Variants in CADPS observed in about 807,000 individuals in gnomAD.
The protein encoded by CADPS is calcium-dependent secretion activator 1.
A neutral mutation model predicts 167.3 loss-of-function variants in CADPS; 57 were observed. The ratio of observed to expected loss-of-function variants is 0.34; its 90% CI spans 0.28 to 0.42. The LOEUF (loss-of-function observed/expected upper bound fraction) is 0.42, where lower values mean the gene tolerates loss of function less well. CADPS is among the 20% of genes least tolerant of loss of function. The probability of loss-of-function intolerance (pLI) is 1.00; values close to 1 mark genes in which losing one functional copy is unlikely to be tolerated. For synonymous variants in CADPS, 676 were observed against 635.3 expected, an observed-to-expected ratio of 1.06 and a Z score of -0.96; for missense variants, 1,414 against 1,738.1, an observed-to-expected ratio of 0.81 and a Z score of 3.32.
At chr3:62,618,076 G>C (rs1375120836) in intron 6 of CADPS, among the ~76,000 whole-genome samples, 1 of 152,062 alleles carries the variant, frequency 6.6e-6, no homozygotes, top group African/African-American at 2.4e-5. Context: ...TGACTCAAAT[G>C]ACTCAATAAG....
intron 1 of CADPS, among the ~76,000 whole-genome samples, chr3:62,842,166 T>C (rs2076735039): frequency 6.6e-6 from 1 of 152,192 alleles, no homozygotes; most frequent in African/African-American, 2.4e-5. Flanking sequence ...CATGTATCCA[T>C]TTGGCAAGAA....
At chr3:62,600,861 G>T (rs1369760759) in intron 6 of CADPS, among the ~76,000 whole-genome samples, 1 of 152,204 alleles carries the variant, frequency 6.6e-6, no homozygotes, top group Non-Finnish European at 1.5e-5. Context: ...GTCTGCACCT[G>T]TAGTCCCAGC....
chr3:62,527,327 G>A (rs1286426244), intron 13 of CADPS, among the ~76,000 whole-genome samples: 1 of 152,150 alleles, frequency 6.6e-6, no homozygotes, highest in Non-Finnish European at 1.5e-5. Flanking sequence ...AGGCTCTCCT[G>A]TGTATTATAG....
At chr3:62,644,674 C>T (rs1211771010) in intron 6 of CADPS, among the ~76,000 whole-genome samples, 1 of 152,142 alleles carries the variant, frequency 6.6e-6, no homozygotes, top group East Asian at 1.9e-4. Context: ...TTGCCCAGGG[C>T]CTTTGCTAAC....
intron 21 of CADPS, among the ~76,000 whole-genome samples, chr3:62,488,176 G>A (rs969614914): frequency 5.3e-5 from 8 of 152,156 alleles, no homozygotes; most frequent in African/African-American, 1.4e-4. Flanking sequence ...TTGATGAGAA[G>A]TATGCCAAAA....
At chr3:62,778,528 G>C (rs2090876154) in intron 1 of CADPS, among the ~76,000 whole-genome samples, 1 of 152,002 alleles carries the variant, frequency 6.6e-6, no homozygotes, top group Non-Finnish European at 1.5e-5. Flanking sequence ...TACCTCTTTA[G>C]TCTGAACTCC....
chr3:62,821,798 A>G (rs1368174382), intron 1 of CADPS, among the ~76,000 whole-genome samples: 1 of 152,200 alleles, frequency 6.6e-6, no homozygotes. Flanking sequence ...GCTGGACACA[A>G]TTCAACCCAT....
Position 62,645,516 on chromosome 3 carries a change from T to C in CADPS, c.1325+206A>G, listed in dbSNP as rs919430491. 2.6e-5 allele frequency among the ~76,000 whole-genome samples: 4 copies of C among 152,254 alleles called. 1 individual carries two copies. Among genetic ancestry groups the C allele is most frequent in the Admixed American group, 2.6e-4 (4 of 15,290 alleles). ...AGAAAGGACACTGTTTCTTTAATTT[T>C]CTTCAGTTCTCTGCTTTGAAGGAAC... On this transcript the variant is annotated intron_variant, in intron 6 of 29. Transcript: ENST00000383710.
chr3:62,682,306 C>G (rs1217749308), intron 3 of CADPS, among the ~76,000 whole-genome samples: 2 of 151,944 alleles, frequency 1.3e-5, no homozygotes, highest in Admixed American at 6.6e-5. Flanking sequence ...AATCTACACC[C>G]CTAGGAAGCA....
chr3:62,766,045 C>T, intron 1 of CADPS, 61 bp from the exon 2 acceptor site: 2 of 1,241,602 alleles, frequency 1.6e-6, no homozygotes, highest in South Asian at 2.5e-5. Context: ...ATCATGGATA[C>T]TTTATGCTGA....
At chr3:62,755,427 G>A (rs969689089) in intron 2 of CADPS, among the ~76,000 whole-genome samples, 4 of 152,202 alleles carry the variant, frequency 2.6e-5, no homozygotes, top group African/African-American at 9.6e-5. Context: ...CATCTGACAC[G>A]TTTGAGCTGC....
At chr3:62,477,970 G>T (rs984944043) in intron 23 of CADPS, 4 of 342,686 alleles carry the variant, frequency 1.2e-5, no homozygotes, top group Middle Eastern at 8.3e-4. Flanking sequence ...TTTTGTGCCA[G>T]ACACTGCTAG....
intron 18 of CADPS, 40 bp downstream of exon 18, chr3:62,499,122 T>TA (rs1561289379): frequency 6.2e-6 from 8 of 1,294,838 alleles, no homozygotes; most frequent in Non-Finnish European, 9.0e-6. Context: ...CAAGCTCAGC[T>TA]AAGGGACAGT....
intron 3 of CADPS, among the ~76,000 whole-genome samples, chr3:62,703,481 G>A (rs189911621): frequency 1.2e-4 from 19 of 152,262 alleles, no homozygotes; most frequent in Admixed American, 9.8e-4. Context: ...TTCTGGGAAC[G>A]TCTGTCTACA....
At chr3:62,791,244 CT>C in intron 1 of CADPS, among the ~76,000 whole-genome samples, 1 of 152,188 alleles carries the variant, frequency 6.6e-6, no homozygotes, top group East Asian at 1.9e-4. Flanking sequence ...TATATCTGCA[CT>C]GTACAATATG....
intron 6 of CADPS, among the ~76,000 whole-genome samples, chr3:62,632,236 T>C (rs1443926290): frequency 6.6e-6 from 1 of 152,136 alleles, no homozygotes; most frequent in Non-Finnish European, 1.5e-5. Flanking sequence ...CCAAAACATA[T>C]ACAGTGATTA....
At position 62,557,617 on chromosome 3, in the gene CADPS, G is replaced by A. The variant is rs932510030; in HGVS notation, c.1645-104C>T. On this transcript the variant is annotated intron_variant, in intron 9 of 29. Transcript: ENST00000383710. Reference sequence around the variant, plus strand: ...CTGAGGATCTGGACTGAGTGGCTGGGTTCAAACTGAGTTTTGCTACCTCCT... The same window carrying A: ...CTGAGGATCTGGACTGAGTGGCTGGATTCAAACTGAGTTTTGCTACCTCCT... 1.4e-5 allele frequency: 12 copies of A among 883,024 alleles called. No homozygotes were observed. The African/African-American group carries it at 2.0e-4, about 15-fold the overall frequency. 54.7% of individuals were successfully genotyped at this position (883,024 alleles called of 1,614,324 possible).
intron 4 of CADPS, among the ~76,000 whole-genome samples, chr3:62,658,820 C>A (rs1266785599): frequency 1.3e-5 from 2 of 152,072 alleles, no homozygotes; most frequent in Admixed American, 1.3e-4. Flanking sequence ...AGGGGTTGGC[C>A]CTTGAACCAA....
At chr3:62,672,807 A>T (rs533547077) in intron 3 of CADPS, among the ~76,000 whole-genome samples, 31 of 152,146 alleles carry the variant, frequency 2.0e-4, no homozygotes, top group Non-Finnish European at 3.1e-4. Context: ...TTTCGTAGAG[A>T]CGGGGTCATG....
Sources: gnomAD v4.1 joint callset for allele counts (sites outside exome capture counted in the v4.1 genomes callset) on GRCh38, gnomAD v4.1.1 for gene constraint, MANE v1.5 for transcripts, NCBI Gene and HGNC (gene_info 2026-07-23, HGNC 2026-07-21) for gene names.